Variants in ARHGAP31 observed in about 807,000 individuals in gnomAD.
ARHGAP31 encodes rho GTPase-activating protein 31.
A neutral mutation model predicts 113.9 loss-of-function variants in ARHGAP31; 34 were observed. The observed-to-expected ratio is 0.30, with a 90% CI of 0.23 to 0.40. The LOEUF is 0.40. ARHGAP31 is among the 10% of genes least tolerant of loss of function. The probability of loss-of-function intolerance (pLI) is 1.00; values close to 1 mark genes in which losing one functional copy is unlikely to be tolerated. For synonymous variants in ARHGAP31, 650 were observed against 684.8 expected, an observed-to-expected ratio of 0.95 and a Z score of 0.79; for missense variants, 1,548 against 1,767.1, an observed-to-expected ratio of 0.88 and a Z score of 2.22.
Position 119,382,335 on chromosome 3 carries a change from T to C in ARHGAP31, c.475T>C (p.Phe159Leu), listed in dbSNP as rs1211769602. Residue 159 changes from phenylalanine (F) to leucine (L), a missense_variant, in exon 5 of 12, where the codon TTC becomes CTC. Physicochemically the swap from Phe to Leu is conservative, Grantham distance 22. Transcript: ENST00000264245. ...LIRHLAHIASFSSKTNMHARN... is the reference protein window; with the variant it reads ...LIRHLAHIASLSSKTNMHARN... ...TCGACACCTGGCCCATATCGCCTCCTTCAGCAGCAAGACCAACATGCACGC... is the reference window on the plus strand; with the variant it reads ...TCGACACCTGGCCCATATCGCCTCCCTCAGCAGCAAGACCAACATGCACGC... 1.9e-6 allele frequency: 3 copies of C among 1,614,080 alleles called. No homozygotes were observed. Among genetic ancestry groups the C allele is most frequent in the South Asian group, 1.1e-5 (1 of 91,086 alleles).
chr3:119,380,193 G>T (rs1019486477), intron 3 of ARHGAP31, among the ~76,000 whole-genome samples: 6 of 152,172 alleles, frequency 3.9e-5, no homozygotes, highest in African/African-American at 1.4e-4. Flanking sequence ...TCTTATCCCT[G>T]CCAAGGAAAG....
chr3:119,412,354 C>A (rs188435860), intron 11 of ARHGAP31, among the ~76,000 whole-genome samples: 2 of 151,614 alleles, frequency 1.3e-5, no homozygotes, highest in Admixed American at 1.3e-4. Context: ...TGCCACTGCA[C>A]TCCAGCCTGG....
chr3:119,306,651 T>C (rs1459847513), intron 1 of ARHGAP31, among the ~76,000 whole-genome samples: 1 of 152,224 alleles, frequency 6.6e-6, no homozygotes, highest in Non-Finnish European at 1.5e-5. Flanking sequence ...CCATAGTTTA[T>C]AGGGCAGCAA....
At chr3:119,313,689 C>T (rs892366403) in intron 1 of ARHGAP31, among the ~76,000 whole-genome samples, 3 of 152,268 alleles carry the variant, frequency 2.0e-5, no homozygotes, top group East Asian at 1.9e-4. Flanking sequence ...GCTGTCTGGC[C>T]CACAAACTGG....
At chr3:119,347,967 T>A (rs937233926) in intron 1 of ARHGAP31, among the ~76,000 whole-genome samples, 1 of 152,246 alleles carries the variant, frequency 6.6e-6, no homozygotes, top group Non-Finnish European at 1.5e-5. Context: ...TTGCTAGTTG[T>A]CTGTGTCTTT....
intron 3 of ARHGAP31, among the ~76,000 whole-genome samples, chr3:119,376,651 G>T (rs754448187): frequency 1.3e-5 from 2 of 151,680 alleles, no homozygotes; most frequent in Non-Finnish European, 2.9e-5. Flanking sequence ...AGAAACCTCT[G>T]ATTATCCTAT....
chr3:119,367,513 C>T (rs2080260264), intron 2 of ARHGAP31, among the ~76,000 whole-genome samples: 1 of 152,080 alleles, frequency 6.6e-6, no homozygotes, highest in African/African-American at 2.4e-5. Context: ...ATTCATCTGT[C>T]CTGTAGGAGT....
At chr3:119,332,102 T>A (rs1306476175) in intron 1 of ARHGAP31, among the ~76,000 whole-genome samples, 1 of 152,116 alleles carries the variant, frequency 6.6e-6, no homozygotes, top group Non-Finnish European at 1.5e-5. Flanking sequence ...CCTTTAGATT[T>A]CTCTTTTCCA....
intron 1 of ARHGAP31, among the ~76,000 whole-genome samples, chr3:119,337,167 C>T (rs542446323): frequency 6.6e-6 from 1 of 152,300 alleles, no homozygotes; most frequent in East Asian, 1.9e-4. Flanking sequence ...CGGACCCTGG[C>T]AGTGAGTGTT....
chr3:119,306,385 C>G (rs1188736897), intron 1 of ARHGAP31, among the ~76,000 whole-genome samples: 1 of 152,000 alleles, frequency 6.6e-6, no homozygotes, highest in Admixed American at 6.5e-5. Context: ...GAAACCCCAT[C>G]TCTACTAAAA....
chr3:119,355,441 C>T, intron 1 of ARHGAP31, among the ~76,000 whole-genome samples: 1 of 150,908 alleles, frequency 6.6e-6, no homozygotes, highest in East Asian at 1.9e-4. Flanking sequence ...AGCTCCTGTT[C>T]AGGAAAACAT....
chr3:119,298,551 A>G (rs1576981711), intron 1 of ARHGAP31: 2 of 152,324 alleles, frequency 1.3e-5, no homozygotes, highest in East Asian at 3.9e-4. Context: ...AGGGAAAATT[A>G]TCTTCTTCCT....
At chr3:119,321,912 C>T (rs1348308095) in intron 1 of ARHGAP31, among the ~76,000 whole-genome samples, 4 of 152,234 alleles carry the variant, frequency 2.6e-5, no homozygotes, top group Admixed American at 6.5e-5. Context: ...CTCAGCCTCC[C>T]AAAGTGCTGG....
intron 1 of ARHGAP31, among the ~76,000 whole-genome samples, chr3:119,300,841 AAAAAGAAAG>A (rs1395976443): frequency 2.9e-5 from 4 of 139,210 alleles, no homozygotes; most frequent in South Asian, 2.4e-4. Flanking sequence ...AAAAAAAAAA[AAAAAGAAAG>A]AAAGAAAGAA....
intron 1 of ARHGAP31, among the ~76,000 whole-genome samples, chr3:119,350,257 T>C (rs1039056513): frequency 6.6e-6 from 1 of 152,120 alleles, no homozygotes; most frequent in Non-Finnish European, 1.5e-5. Context: ...TACCAAGGCT[T>C]CCAAGCAAAG....
At chr3:119,383,307 G>T in intron 6 of ARHGAP31, 81 bp downstream of exon 6, 3 of 1,571,236 alleles carry the variant, frequency 1.9e-6, no homozygotes, top group Non-Finnish European at 2.6e-6. Flanking sequence ...AGAAAGTGAG[G>T]GTGGGCTTAG....
rs1025270108 is a variant in ARHGAP31 at position 119,418,158 on chromosome 3, G to A, written c.*1894G>A. The stretch of plus-strand genomic sequence containing the variant: ...TGTGGCGAGGGTGACTGGCAAGTCA[G>A]CTGATGAGTTCTGCCTTCTGAGAGC... On this transcript the variant is annotated 3_prime_UTR_variant, in exon 12 of 12. Transcript: ENST00000264245. 68 of 151,530 alleles carry A rather than the reference G, an allele frequency of 4.5e-4. No homozygotes were observed. Among genetic ancestry groups the A allele is most frequent in the African/African-American group, 1.5e-3 (63 of 41,354 alleles). 9.4% of individuals were successfully genotyped at this position (151,530 alleles called of 1,614,324 possible).
intron 1 of ARHGAP31, among the ~76,000 whole-genome samples, chr3:119,296,286 A>G (rs1413491603): frequency 6.6e-6 from 1 of 152,182 alleles, no homozygotes. Flanking sequence ...AGCTTGGAGA[A>G]CCACAGGTTT....
At chr3:119,308,426 C>A (rs2079649527) in intron 1 of ARHGAP31, among the ~76,000 whole-genome samples, 1 of 152,220 alleles carries the variant, frequency 6.6e-6, no homozygotes, top group African/African-American at 2.4e-5. Flanking sequence ...ATTTCCTTGC[C>A]TTTTCCAGCT....
Sources: allele counts gnomAD v4.1 joint callset (sites outside exome capture counted in the v4.1 genomes callset), GRCh38; gene constraint gnomAD v4.1.1; transcripts MANE v1.5; gene names NCBI Gene and HGNC (gene_info 2026-07-23, HGNC 2026-07-21).